ARHGAP24: variants seen among roughly 807,000 people sequenced by gnomAD.
The protein encoded by ARHGAP24 is rho GTPase-activating protein 24.
Under a neutral mutation model 76.4 loss-of-function variants are expected in ARHGAP24, and 50 were observed. The observed-to-expected ratio is 0.65, with a 90% CI of 0.52 to 0.83. ARHGAP24 has a LOEUF of 0.83. ARHGAP24 is among the 40% of genes least tolerant of loss of function. The pLI, the probability that ARHGAP24 is intolerant of heterozygous loss-of-function variation, is 0.00. For synonymous variants in ARHGAP24, 345 were observed against 323.3 expected, an observed-to-expected ratio of 1.07 and a Z score of -0.72; for missense variants, 930 against 914.2, an observed-to-expected ratio of 1.02 and a Z score of -0.22.
At chr4:85,624,327 G>A (rs566518530) in intron 2 of ARHGAP24, among the ~76,000 whole-genome samples, 48 of 152,138 alleles carry the variant, frequency 3.2e-4, no homozygotes, top group South Asian at 2.3e-3. Flanking sequence ...GGCCTTTTCT[G>A]CATCTATTGA....
intron 3 of ARHGAP24, among the ~76,000 whole-genome samples, chr4:85,854,265 G>A (rs1204624273): frequency 6.6e-6 from 1 of 151,652 alleles, no homozygotes; most frequent in Non-Finnish European, 1.5e-5. Flanking sequence ...TTGAAAAATA[G>A]CATTTTGAAC....
chr4:85,530,922 G>A (rs2110116523), intron 1 of ARHGAP24, among the ~76,000 whole-genome samples: 1 of 152,148 alleles, frequency 6.6e-6, no homozygotes, highest in South Asian at 2.1e-4. Flanking sequence ...TGCAGGGACT[G>A]TTTTCCATAA....
intron 3 of ARHGAP24, among the ~76,000 whole-genome samples, chr4:85,895,253 A>C (rs565602064): frequency 6.6e-6 from 1 of 152,160 alleles, no homozygotes; most frequent in Non-Finnish European, 1.5e-5. Flanking sequence ...TTGCTAAAGG[A>C]ATAAAAATAA....
At chr4:85,772,706 T>C (rs1341663835) in intron 3 of ARHGAP24, among the ~76,000 whole-genome samples, 1 of 152,252 alleles carries the variant, frequency 6.6e-6, no homozygotes, top group African/African-American at 2.4e-5. Context: ...TAGCTAAACA[T>C]GTAGTTCCAT....
chr4:85,504,746 A>G (rs1222640020), intron 1 of ARHGAP24, among the ~76,000 whole-genome samples: 5 of 152,168 alleles, frequency 3.3e-5, no homozygotes, highest in Non-Finnish European at 7.3e-5. Flanking sequence ...TTATATGTCA[A>G]TTTGATCCTG....
At chr4:85,925,399 C>T (rs1039289305) in intron 4 of ARHGAP24, among the ~76,000 whole-genome samples, 4 of 152,062 alleles carry the variant, frequency 2.6e-5, no homozygotes, top group African/African-American at 7.2e-5. Context: ...ATAATTGCCC[C>T]AAAGGGCAAG....
At chr4:85,918,246 A>G (rs986417016) in intron 3 of ARHGAP24, among the ~76,000 whole-genome samples, 9 of 152,010 alleles carry the variant, frequency 5.9e-5, no homozygotes, top group Admixed American at 2.0e-4. Flanking sequence ...TTGAGATAAT[A>G]TCATACATAA....
intron 2 of ARHGAP24, among the ~76,000 whole-genome samples, chr4:85,658,138 A>G (rs1488924943): frequency 1.3e-5 from 2 of 152,184 alleles, no homozygotes; most frequent in Non-Finnish European, 2.9e-5. Flanking sequence ...TGACAAAAGA[A>G]GGAACAAACT....
At chr4:85,551,548 A>G (rs901172800) in intron 1 of ARHGAP24, among the ~76,000 whole-genome samples, 1 of 152,172 alleles carries the variant, frequency 6.6e-6, no homozygotes, top group Non-Finnish European at 1.5e-5. Context: ...TGCTGGCCTT[A>G]TAGAATGAGT....
chr4:85,575,608 C>G lies in ARHGAP24; in HGVS notation c.180+4887C>G, dbSNP rs72979938. ...TTCTGGCATGTTTCATCAATCATGACAAATGACCATGGCCTTGTCAATACA... is the reference window on the plus strand; with the variant it reads ...TTCTGGCATGTTTCATCAATCATGAGAAATGACCATGGCCTTGTCAATACA... On this transcript the variant is annotated intron_variant, in intron 2 of 9. Transcript: ENST00000395184. Among the ~76,000 whole-genome samples, 1,204 of 152,234 alleles carry G rather than the reference C, an allele frequency of 7.9e-3. 18 individuals carry two copies. Among genetic ancestry groups the G allele is most frequent in the African/African-American group, 0.026 (1,097 of 41,542 alleles).
chr4:85,946,696 A>G (rs1737288219), intron 5 of ARHGAP24, among the ~76,000 whole-genome samples: 2 of 152,142 alleles, frequency 1.3e-5, no homozygotes, highest in African/African-American at 2.4e-5. Flanking sequence ...ATTCCATGGT[A>G]TATATGTACC....
intron 3 of ARHGAP24, among the ~76,000 whole-genome samples, chr4:85,880,411 C>G (rs1322000751): frequency 6.6e-6 from 1 of 152,160 alleles, no homozygotes; most frequent in Non-Finnish European, 1.5e-5. Flanking sequence ...CAGGGGATCC[C>G]TTGCTGGTAT....
intron 5 of ARHGAP24, among the ~76,000 whole-genome samples, chr4:85,956,156 C>T (rs940008507): frequency 1.3e-5 from 2 of 152,094 alleles, no homozygotes; most frequent in South Asian, 2.1e-4. Flanking sequence ...GAACTGACTC[C>T]CAGGAATTTG....
At chr4:85,606,461 C>T (rs1477797218) in intron 2 of ARHGAP24, among the ~76,000 whole-genome samples, 2 of 151,042 alleles carry the variant, frequency 1.3e-5, no homozygotes, top group Non-Finnish European at 2.9e-5. Context: ...TGTAGTGAGC[C>T]GAGATCGGGC....
intron 3 of ARHGAP24, among the ~76,000 whole-genome samples, chr4:85,850,285 G>A (rs1310574614): frequency 1.3e-5 from 2 of 151,954 alleles, no homozygotes; most frequent in African/African-American, 2.4e-5. Context: ...CTGTGGGATC[G>A]CTGGTGATAT....
chr4:85,510,218 T>G (rs1363750777), intron 1 of ARHGAP24, among the ~76,000 whole-genome samples: 2 of 152,126 alleles, frequency 1.3e-5, no homozygotes, highest in Admixed American at 1.3e-4. Context: ...TATAAGAGTA[T>G]TTTCCTCCAT....
chr4:85,653,168 A>G (rs1234378910), intron 2 of ARHGAP24, among the ~76,000 whole-genome samples: 1 of 152,208 alleles, frequency 6.6e-6, no homozygotes, highest in Non-Finnish European at 1.5e-5. Flanking sequence ...ATATACAATG[A>G]AAAATAACTA....
intron 5 of ARHGAP24, among the ~76,000 whole-genome samples, chr4:85,945,357 G>T (rs924169663): frequency 3.3e-5 from 5 of 151,986 alleles, no homozygotes; most frequent in African/African-American, 1.2e-4. Context: ...TGGCCAGGCT[G>T]GTCTCAAAGC....
At chr4:85,935,025 T>TA (rs1176419657) in intron 4 of ARHGAP24, among the ~76,000 whole-genome samples, 1 of 152,214 alleles carries the variant, frequency 6.6e-6, no homozygotes, top group Admixed American at 6.5e-5. Context: ...GGTACAGTGT[T>TA]ACTATCTATT....
Sources: gnomAD v4.1 joint callset for allele counts (sites outside exome capture counted in the v4.1 genomes callset) on GRCh38, gnomAD v4.1.1 for gene constraint, MANE v1.5 for transcripts, NCBI Gene and HGNC (gene_info 2026-07-23, HGNC 2026-07-21) for gene names.